The following TAFA1 variants were observed in gnomAD, a reference collection of about 807,000 sequenced individuals.
The protein encoded by TAFA1 is chemokine-like protein TAFA-1.
Under a neutral mutation model 18.5 loss-of-function variants are expected in TAFA1, and 4 were observed. The ratio of observed to expected loss-of-function variants is 0.22; its 90% CI spans 0.11 to 0.49. TAFA1 has a LOEUF of 0.49. Among genes scored for constraint, TAFA1 ranks in the 20% least tolerant of loss-of-function variants. The probability of loss-of-function intolerance (pLI) is 0.98; values close to 1 mark genes in which losing one functional copy is unlikely to be tolerated. For synonymous variants in TAFA1, 56 were observed against 55.2 expected (o/e 1.01, Z -0.06); for missense variants, 147 against 169.0 (o/e 0.87, Z 0.72).
chr3:68,315,682 G>A (rs977723396), intron 2 of TAFA1, among the ~76,000 whole-genome samples: 1 of 152,142 alleles, frequency 6.6e-6, no homozygotes, highest in African/African-American at 2.4e-5. Flanking sequence ...AGCACACTAT[G>A]CAAATTGTGT....
intron 3 of TAFA1, among the ~76,000 whole-genome samples, chr3:68,447,146 A>C (rs979022842): frequency 6.6e-6 from 1 of 152,220 alleles, no homozygotes; most frequent in Non-Finnish European, 1.5e-5. Flanking sequence ...CATTTGTTAA[A>C]TATCCATACG....
intron 3 of TAFA1, among the ~76,000 whole-genome samples, chr3:68,454,810 A>T (rs180975602): frequency 6.6e-6 from 1 of 152,322 alleles, no homozygotes; most frequent in East Asian, 1.9e-4. Context: ...ATTCTGATTC[A>T]GTAGGCTAGG....
chr3:68,072,962 C>A (rs1303699577), intron 2 of TAFA1, among the ~76,000 whole-genome samples: 21 of 152,284 alleles, frequency 1.4e-4, no homozygotes, highest in African/African-American at 5.1e-4. Context: ...TGTTAGAATA[C>A]AAAGAACTCC....
chr3:68,072,716 T>A (rs1378124804), intron 2 of TAFA1, among the ~76,000 whole-genome samples: 1 of 152,050 alleles, frequency 6.6e-6, no homozygotes. Context: ...TTTTACAGAT[T>A]TAGTGAGTTC....
intron 2 of TAFA1, among the ~76,000 whole-genome samples, chr3:68,357,210 ATCT>A (rs2069381853): frequency 6.6e-6 from 1 of 152,092 alleles, no homozygotes; most frequent in Admixed American, 6.6e-5. Flanking sequence ...ATAGAAGTAA[ATCT>A]TCTCAGAAAA....
At chr3:68,286,554 A>G (rs556945273) in intron 2 of TAFA1, among the ~76,000 whole-genome samples, 203 of 152,292 alleles carry the variant, frequency 1.3e-3, no homozygotes, top group Non-Finnish European at 2.6e-3. Context: ...GGATGCAAAG[A>G]AGGATTAATA....
intron 2 of TAFA1, among the ~76,000 whole-genome samples, chr3:68,190,697 G>A (rs1463614132): frequency 6.6e-6 from 1 of 151,790 alleles, no homozygotes; most frequent in Non-Finnish European, 1.5e-5. Context: ...GTAAATAAAG[G>A]TATGTGTTTT....
chr3:68,079,487 C>T (rs28857769), intron 2 of TAFA1, among the ~76,000 whole-genome samples: 20 of 152,030 alleles, frequency 1.3e-4, no homozygotes, highest in African/African-American at 2.4e-4. Context: ...GCTTTGAATG[C>T]GTCCCAGAGA....
chr3:68,039,953 T>C (rs1255696189), intron 2 of TAFA1, among the ~76,000 whole-genome samples: 1 of 152,138 alleles, frequency 6.6e-6, no homozygotes, highest in Non-Finnish European at 1.5e-5. Flanking sequence ...CTCCATACAT[T>C]TCTGATCTGC....
Position 68,429,823 on chromosome 3 carries a change from C to T in TAFA1, c.259+12403C>T, listed in dbSNP as rs556821515. On this transcript the variant is annotated intron_variant, in intron 3 of 4. Coordinates refer to ENST00000478136, the MANE Select transcript of TAFA1 (RefSeq NM_213609.4). The stretch of plus-strand genomic sequence containing the variant: ...CAATTCCAGAGGTCCTTCCTGAAGC[C>T]GCTATGCCTAAGTTAATAATGCCCA... Among the ~76,000 whole-genome samples the T allele has an allele frequency of 8.8e-4, 133 of 151,910 alleles. 3 individuals carry two copies. The South Asian group carries it at 0.026, about 30-fold the overall frequency.
intron 2 of TAFA1, among the ~76,000 whole-genome samples, chr3:68,043,816 T>G (rs1409713494): frequency 6.6e-6 from 1 of 152,222 alleles, no homozygotes; most frequent in Non-Finnish European, 1.5e-5. Context: ...TGTAGGAGTC[T>G]TCAAGAAAAA....
intron 3 of TAFA1, among the ~76,000 whole-genome samples, chr3:68,511,644 T>A (rs1342350217): frequency 6.6e-6 from 1 of 152,008 alleles, no homozygotes; most frequent in Non-Finnish European, 1.5e-5. Flanking sequence ...TAACATAATA[T>A]AATTAAATAT....
chr3:68,312,072 A>G (rs2068530400), intron 2 of TAFA1, among the ~76,000 whole-genome samples: 1 of 152,206 alleles, frequency 6.6e-6, no homozygotes, highest in African/African-American at 2.4e-5. Context: ...CTCTGAAGCC[A>G]TGACCTGAGT....
intron 3 of TAFA1, among the ~76,000 whole-genome samples, chr3:68,458,713 TG>T: frequency 6.6e-6 from 1 of 152,302 alleles, no homozygotes; most frequent in Middle Eastern, 3.4e-3. Context: ...ACATTCCATA[TG>T]AAGGTCACTT....
chr3:68,140,199 A>G (rs1372112600), intron 2 of TAFA1, among the ~76,000 whole-genome samples: 1 of 152,204 alleles, frequency 6.6e-6, no homozygotes, highest in Non-Finnish European at 1.5e-5. Flanking sequence ...TGGTGACAAC[A>G]GCACTTGAGG....
chr3:68,501,619 A>G (rs565439518), intron 3 of TAFA1, among the ~76,000 whole-genome samples: 185 of 152,300 alleles, frequency 1.2e-3, no homozygotes, highest in African/African-American at 3.9e-3. Context: ...GGGAACCACA[A>G]GAGTGATGAC....
chr3:68,483,850 G>A (rs1043991723), intron 3 of TAFA1, among the ~76,000 whole-genome samples: 3 of 152,174 alleles, frequency 2.0e-5, no homozygotes, highest in African/African-American at 7.2e-5. Context: ...GTTTATAGAA[G>A]GAAACAATAG....
chr3:68,297,736 ATT>A (rs374934858), intron 2 of TAFA1, among the ~76,000 whole-genome samples: 9,562 of 145,740 alleles, frequency 0.066, 467 homozygotes, highest in African/African-American at 0.14. Context: ...CTGATCATTC[ATT>A]TTTTTTTTTT....
At chr3:68,277,393 T>C (rs2067817121) in intron 2 of TAFA1, among the ~76,000 whole-genome samples, 2 of 152,266 alleles carry the variant, frequency 1.3e-5, no homozygotes, top group South Asian at 4.1e-4. Context: ...CTTTCTATTG[T>C]GCCACTTCTA....
Sources: gnomAD v4.1 joint callset for allele counts (sites outside exome capture counted in the v4.1 genomes callset) on GRCh38, gnomAD v4.1.1 for gene constraint, MANE v1.5 for transcripts, NCBI Gene and HGNC (gene_info 2026-07-23, HGNC 2026-07-21) for gene names.